THRB: variants seen among roughly 807,000 people sequenced by gnomAD.
THRB encodes thyroid hormone receptor beta.
A neutral mutation model predicts 47.8 loss-of-function variants in THRB; 12 were observed. That is an observed-to-expected ratio of 0.25 (90% CI 0.16 to 0.41). THRB has a LOEUF of 0.41. Among genes scored for constraint, THRB ranks in the 10% least tolerant of loss-of-function variants. The pLI is 1.00. For missense variants in THRB, 348 were observed against 589.2 expected, an observed-to-expected ratio of 0.59 and a Z score of 4.24; for synonymous variants, 218 against 212.2, an observed-to-expected ratio of 1.03 and a Z score of -0.24.
At chr3:24,495,497 CCCT>C (rs1698890806), upstream of THRB, 2 of 152,772 alleles carry the variant, frequency 1.3e-5, no homozygotes, top group Admixed American at 6.5e-5. Flanking sequence ...TGGGCGCTCC[CCCT>C]CCTCCTAATC....
chr3:24,298,301 C>G (rs1436207940), intron 2 of THRB, among the ~76,000 whole-genome samples: 1 of 152,180 alleles, frequency 6.6e-6, no homozygotes, highest in Non-Finnish European at 1.5e-5. Flanking sequence ...TTACCAGTCC[C>G]CTACAATCCC....
chr3:24,454,405 G>A lies in THRB; in HGVS notation c.-261+40247C>T, dbSNP rs1577689113. ...TGTTAATGAGTGTGAGGTTTTTGAG[G>A]GGAGTGACAAAAATGATCTAAAATT... On this transcript the variant is annotated intron_variant, in intron 1 of 10. Transcript: ENST00000646209. 4.6e-5 allele frequency among the ~76,000 whole-genome samples: 7 copies of A among 152,216 alleles called. No homozygotes were observed. In the South Asian group the frequency reaches 1.5e-3, roughly 32 times the overall value.
chr3:24,439,038 C>G (rs1248741272), intron 1 of THRB, among the ~76,000 whole-genome samples: 1 of 152,102 alleles, frequency 6.6e-6, no homozygotes, highest in East Asian at 1.9e-4. Context: ...ACAGGGAGCT[C>G]TGGGGTGTAA....
chr3:24,395,099 A>T (rs2066860838), intron 1 of THRB, among the ~76,000 whole-genome samples: 1 of 152,162 alleles, frequency 6.6e-6, no homozygotes, highest in African/African-American at 2.4e-5. Flanking sequence ...ACCCTTCCTC[A>T]TGTCATATGG....
intron 1 of THRB, among the ~76,000 whole-genome samples, chr3:24,468,276 C>T (rs1430403671): frequency 6.6e-6 from 1 of 152,176 alleles, no homozygotes; most frequent in Non-Finnish European, 1.5e-5. Flanking sequence ...AACATTAAAA[C>T]TTTTTCCACA....
At chr3:24,373,871 T>C (rs990813615) in intron 1 of THRB, among the ~76,000 whole-genome samples, 4 of 152,144 alleles carry the variant, frequency 2.6e-5, no homozygotes, top group East Asian at 1.9e-4. Context: ...GTGTTCAAAC[T>C]GTGTTCAAAT....
chr3:24,186,148 G>A (rs976280091), intron 5 of THRB, among the ~76,000 whole-genome samples: 1 of 152,172 alleles, frequency 6.6e-6, no homozygotes, highest in African/African-American at 2.4e-5. Context: ...AGCTCGTCAT[G>A]ATACCCAGGT....
At chr3:24,241,576 A>G (rs1303142689) in intron 3 of THRB, among the ~76,000 whole-genome samples, 9 of 152,200 alleles carry the variant, frequency 5.9e-5, no homozygotes, top group Admixed American at 5.2e-4. Context: ...TGATCTATCC[A>G]AAGCACGTTG....
intron 1 of THRB, among the ~76,000 whole-genome samples, chr3:24,398,554 C>T (rs1021555395): frequency 5.9e-4 from 90 of 152,186 alleles, no homozygotes; most frequent in Admixed American, 4.5e-3. Context: ...GTTAGAATGG[C>T]GATCATTAAA....
intron 1 of THRB, among the ~76,000 whole-genome samples, chr3:24,463,216 C>T (rs1000077088): frequency 2.6e-5 from 4 of 152,126 alleles, no homozygotes; most frequent in Non-Finnish European, 4.4e-5. Flanking sequence ...TTGAAAGGAA[C>T]GGGGAACGGC....
intron 6 of THRB, among the ~76,000 whole-genome samples, chr3:24,151,224 C>A (rs2036881169): frequency 6.6e-6 from 1 of 152,176 alleles, no homozygotes; most frequent in Non-Finnish European, 1.5e-5. Flanking sequence ...CAGCCTTCTC[C>A]TAAATGTTTC....
chr3:24,158,648 T>G (rs960412365), intron 5 of THRB, among the ~76,000 whole-genome samples: 1 of 152,204 alleles, frequency 6.6e-6, no homozygotes, highest in Middle Eastern at 3.2e-3. Context: ...CAGGCTGGTC[T>G]CGAAATCCTG....
intron 1 of THRB, among the ~76,000 whole-genome samples, chr3:24,483,163 T>A (rs1363784566): frequency 6.6e-6 from 1 of 152,136 alleles, no homozygotes; most frequent in East Asian, 1.9e-4. Flanking sequence ...CTCACTTTTA[T>A]TATTCATGTC....
chr3:24,486,355 C>T (rs911991685), intron 1 of THRB: 18 of 152,254 alleles, frequency 1.2e-4, no homozygotes, highest in East Asian at 3.9e-4. Context: ...CTCATCCATA[C>T]GACAAGAATT....
chr3:24,201,258 G>T (rs191542801), intron 4 of THRB, among the ~76,000 whole-genome samples: 1 of 152,246 alleles, frequency 6.6e-6, no homozygotes, highest in Admixed American at 6.5e-5. Context: ...GGGCTGGAGA[G>T]GGGGTCTGGC....
At position 24,127,370 on chromosome 3, in the gene THRB, ATTTC is replaced by A. The variant is rs10611180; in HGVS notation, c.1144+125_1144+128del. The A allele has an allele frequency of 2.1e-3, 2,159 of 1,024,624 alleles. 24 individuals carry two copies. The African/African-American group carries it at 0.03, about 14-fold the overall frequency. 63.5% of individuals were successfully genotyped at this position (1,024,624 alleles called of 1,614,324 possible). On this transcript the variant is annotated intron_variant, in intron 10 of 10. Coordinates refer to ENST00000646209, the MANE Select transcript of THRB (RefSeq NM_001354712.2). ...TTCCCAGTCCACTGGCAAACCTGCAATTTCTTACTGAAGAAGAGTGAGCTATGTT... is the reference window on the plus strand; with the variant it reads ...TTCCCAGTCCACTGGCAAACCTGCAATTACTGAAGAAGAGTGAGCTATGTT...
chr3:24,281,612 A>T (rs570585397), intron 3 of THRB, among the ~76,000 whole-genome samples: 1 of 106,108 alleles, frequency 9.4e-6, no homozygotes, highest in East Asian at 3.2e-4. Flanking sequence ...AATGGACTAA[A>T]TGCTCCAATT....
chr3:24,448,241 C>A (rs1292093012), intron 1 of THRB, among the ~76,000 whole-genome samples: 1 of 152,148 alleles, frequency 6.6e-6, no homozygotes, highest in East Asian at 1.9e-4. Context: ...TATAACTTAA[C>A]TTTAAAAAAG....
chr3:24,377,290 C>T (rs2065362619), intron 1 of THRB, among the ~76,000 whole-genome samples: 1 of 152,042 alleles, frequency 6.6e-6, no homozygotes, highest in Non-Finnish European at 1.5e-5. Flanking sequence ...TCAGCCAGGG[C>T]CCATTCTTAC....
Sources: allele counts gnomAD v4.1 joint callset (sites outside exome capture counted in the v4.1 genomes callset), GRCh38; gene constraint gnomAD v4.1.1; transcripts MANE v1.5; gene names NCBI Gene and HGNC (gene_info 2026-07-23, HGNC 2026-07-21).